ZNF578: variants seen among roughly 807,000 people sequenced by gnomAD.
ZNF578 encodes the protein Putative chemokine-related protein B42.
Under a neutral mutation model 8.3 loss-of-function variants are expected in ZNF578, and 8 were observed. That is an observed-to-expected ratio of 0.96 (90% CI 0.56 to 1.74). The LOEUF (loss-of-function observed/expected upper bound fraction) is 1.74, where lower values mean the gene tolerates loss of function less well. ZNF578 is among the 40% of genes most tolerant of loss of function. The pLI is 0.00. For synonymous variants in ZNF578, 206 were observed against 232.2 expected, an observed-to-expected ratio of 0.89 and a Z score of 1.03; for missense variants, 726 against 707.5, an observed-to-expected ratio of 1.03 and a Z score of -0.30.
chr19:52,471,805 G>A (rs1429806015), intron 2 of ZNF578, among the ~76,000 whole-genome samples: 1 of 151,950 alleles, frequency 6.6e-6, no homozygotes, highest in East Asian at 1.9e-4. Context: ...GTGGGCAAAA[G>A]TTAAAATTAC....
intron 2 of ZNF578, among the ~76,000 whole-genome samples, chr19:52,477,177 C>G (rs573236642): frequency 1.3e-5 from 2 of 152,284 alleles, no homozygotes; most frequent in African/African-American, 4.8e-5. Flanking sequence ...TGGTAAAGGT[C>G]TCTAAATGCC....
At chr19:52,467,094 T>A (rs2059277636) in intron 2 of ZNF578, among the ~76,000 whole-genome samples, 2 of 151,530 alleles carry the variant, frequency 1.3e-5, no homozygotes, top group Admixed American at 6.6e-5. Context: ...CACTGCAACC[T>A]CTGCCTCCTG....
intron 2 of ZNF578, among the ~76,000 whole-genome samples, chr19:52,465,583 T>A (rs1194532993): frequency 6.6e-6 from 1 of 152,174 alleles, no homozygotes; most frequent in Non-Finnish European, 1.5e-5. Context: ...TTTGTTCTTT[T>A]AAGGTCCTTT....
chr19:52,501,349 T>G (rs1210195385), intron 3 of ZNF578, among the ~76,000 whole-genome samples: 3 of 152,224 alleles, frequency 2.0e-5, no homozygotes, highest in Admixed American at 6.5e-5. Context: ...ATAGAGCTTT[T>G]GTGCCGCTTT....
intron 2 of ZNF578, among the ~76,000 whole-genome samples, chr19:52,488,647 G>A (rs2059354335): frequency 6.6e-6 from 1 of 151,864 alleles, no homozygotes; most frequent in Non-Finnish European, 1.5e-5. Flanking sequence ...AGCCAGGCGT[G>A]GTGGCAGACT....
chr19:52,512,006 A>G lies in ZNF578; in HGVS notation c.1625A>G (p.Lys542Arg). The change falls in exon 6 of 6, where the codon AAG becomes AGG. Residue 542 changes from lysine to arginine, a missense_variant. Coordinates refer to ENST00000421239, the MANE Select transcript of ZNF578 (RefSeq NM_001099694.2). ...LHTGEKPYKC[K>R]VCDKAFMCHS... ...ACTGGAGAGAAACCTTACAAATGTA[A>G]GGTTTGTGACAAGGCTTTCATGTGC... The G allele has an allele frequency of 1.2e-6, 2 of 1,614,120 alleles. No homozygotes were observed. The highest frequency in any genetic ancestry group is 2.2e-5 in the East Asian group (1 of 44,856).
At position 52,511,229 on chromosome 19, in the gene ZNF578, G is replaced by A; in HGVS notation, c.848G>A (p.Ser283Asn). The change falls in exon 6 of 6, where the codon AGT becomes AAT. Residue 283 changes from serine to asparagine, a missense_variant. By Grantham distance (46) the Ser-to-Asn change is conservative (BLOSUM62 1). Transcript: ENST00000421239. ...GCACGCCATCGTAGATGTCACACTAGTGAGAAACCTTACAAGTGTAATGAA... is the reference window on the plus strand; with the variant it reads ...GCACGCCATCGTAGATGTCACACTAATGAGAAACCTTACAAGTGTAATGAA... ...YLARHRRCHT[S>N]EKPYKCNECG... is the part of the protein sequence containing the mutation. The A allele has an allele frequency of 3.7e-6, 6 of 1,613,764 alleles. No homozygotes were observed. Among genetic ancestry groups the A allele is most frequent in the Non-Finnish European group, 5.1e-6 (6 of 1,179,864 alleles).
At chr19:52,499,718 T>C (rs2059399926) in intron 3 of ZNF578, among the ~76,000 whole-genome samples, 1 of 136,072 alleles carries the variant, frequency 7.3e-6, no homozygotes, top group Non-Finnish European at 1.6e-5. Flanking sequence ...GAATTTTCAC[T>C]CTTATGGCTG....
chr19:52,504,884 T>TTTGTTTGA (rs56174837), intron 5 of ZNF578, 103 bp downstream of exon 5: 853,075 of 1,533,700 alleles, frequency 0.56, 244,781 homozygotes, highest in African/African-American at 0.8. Context: ...ACGTGGTTTT[T>TTTGTTTGA]TTGTTTGATT....
intron 2 of ZNF578, among the ~76,000 whole-genome samples, chr19:52,487,689 G>A (rs1227921047): frequency 6.6e-6 from 1 of 152,078 alleles, no homozygotes; most frequent in Non-Finnish European, 1.5e-5. Context: ...GGAGTGCAGT[G>A]CGTGATCTCC....
chr19:52,466,771 TAATC>T (rs1214910963), intron 2 of ZNF578, among the ~76,000 whole-genome samples: 1 of 152,232 alleles, frequency 6.6e-6, no homozygotes, highest in African/African-American at 2.4e-5. Flanking sequence ...CATCATAATT[TAATC>T]AATAAGTTTT....
chr19:52,497,706 A>T (rs941183967), intron 3 of ZNF578, among the ~76,000 whole-genome samples: 2 of 152,200 alleles, frequency 1.3e-5, no homozygotes, highest in Non-Finnish European at 2.9e-5. Flanking sequence ...GTGATATATG[A>T]TGTTAGGTTG....
rs769694824 is a variant in ZNF578, at chr19:52,511,230, T to C, written c.849T>C (p.Ser283=). ...YLARHRRCHT[S]EKPYKCNECG... ...CACGCCATCGTAGATGTCACACTAGTGAGAAACCTTACAAGTGTAATGAAT... is the reference window on the plus strand; with the variant it reads ...CACGCCATCGTAGATGTCACACTAGCGAGAAACCTTACAAGTGTAATGAAT... The change falls in exon 6 of 6, where the codon AGT becomes AGC. Residue 283 remains serine (S), a synonymous_variant. Transcript: ENST00000421239. 16 of 1,613,552 alleles carry C rather than the reference T, an allele frequency of 9.9e-6. No homozygotes were observed. The highest frequency in any genetic ancestry group is 1.3e-5 in the Non-Finnish European group (15 of 1,179,852).
chr19:52,487,620 A>G (rs1335649147), intron 2 of ZNF578, among the ~76,000 whole-genome samples: 3 of 152,126 alleles, frequency 2.0e-5, no homozygotes, highest in African/African-American at 4.8e-5. Flanking sequence ...GTCTGTTATT[A>G]CATAATACTT....
chr19:52,478,693 G>A (rs1250011147), intron 2 of ZNF578, among the ~76,000 whole-genome samples: 1 of 152,052 alleles, frequency 6.6e-6, no homozygotes, highest in African/African-American at 2.4e-5. Flanking sequence ...CCTGCTTGAT[G>A]AGCCCATTTT....
At chr19:52,499,417 A>T (rs1447798425) in intron 3 of ZNF578, among the ~76,000 whole-genome samples, 1 of 152,152 alleles carries the variant, frequency 6.6e-6, no homozygotes, top group Non-Finnish European at 1.5e-5. Flanking sequence ...TGTGTCCAGT[A>T]GTCTCCTCAG....
intron 2 of ZNF578, among the ~76,000 whole-genome samples, chr19:52,461,454 G>C (rs2059257666): frequency 6.6e-6 from 1 of 152,156 alleles, no homozygotes; most frequent in Non-Finnish European, 1.5e-5. Context: ...AGTTTGAACA[G>C]AGGAATGTAA....
chr19:52,507,889 A>C (rs1026670856), intron 5 of ZNF578, among the ~76,000 whole-genome samples: 1 of 151,956 alleles, frequency 6.6e-6, no homozygotes, highest in Admixed American at 6.6e-5. Flanking sequence ...ATCTCTACTA[A>C]AACTACAAAA....
intron 2 of ZNF578, among the ~76,000 whole-genome samples, chr19:52,480,877 C>CAG (rs1192700064): frequency 6.7e-6 from 1 of 149,048 alleles, no homozygotes; most frequent in Non-Finnish European, 1.5e-5. Context: ...GTCTGGGTGA[C>CAG]AGAGTGAGAC....
Sources: gnomAD v4.1 joint callset for allele counts (sites outside exome capture counted in the v4.1 genomes callset) on GRCh38, gnomAD v4.1.1 for gene constraint, MANE v1.5 for transcripts, NCBI Gene and HGNC (gene_info 2026-07-23, HGNC 2026-07-21) for gene names.